The following CHL1 variants were observed in gnomAD, a reference collection of about 807,000 sequenced individuals.
CHL1 encodes the protein neural cell adhesion molecule L1-like protein.
Under a neutral mutation model 141.9 loss-of-function variants are expected in CHL1, and 96 were observed. The observed-to-expected ratio is 0.68, with a 90% confidence interval of 0.57 to 0.80. The LOEUF is 0.80. Ranked by LOEUF, CHL1 falls within the 30% of genes least tolerant of loss-of-function variation. The pLI is 0.00. For missense variants in CHL1, 1,820 were observed against 1,457.2 expected (o/e 1.25, Z -4.05); for synonymous variants, 613 against 502.2 (o/e 1.22, Z -2.95).
intron 1 of CHL1, among the ~76,000 whole-genome samples, chr3:212,193 C>G (rs576148413): frequency 2.0e-5 from 3 of 151,904 alleles, no homozygotes; most frequent in Non-Finnish European, 2.9e-5. Flanking sequence ...GTTTCTACAA[C>G]GAGTTTGCAT....
rs5845954 is a variant in CHL1, at chr3:231,575, C to CTTT, written c.-174-13020_-174-13018dup. Among the ~76,000 whole-genome samples the CTTT allele has an allele frequency of 7.7e-4, 77 of 100,556 alleles. 2 individuals are homozygous for CTTT. The highest frequency in any genetic ancestry group is 1.5e-3 in the Admixed American group (12 of 7,956). 66.0% of individuals were successfully genotyped at this position (100,556 alleles called of 152,430 possible). On this transcript the variant is annotated intron_variant, in intron 1 of 27. Transcript: ENST00000256509. Reference sequence around the variant, plus strand: ...ACATGTTTTAAAACCTTATTTCTTCCTTTTTTTTTTTTTTTTTTTTGAGAT... The same window carrying CTTT: ...ACATGTTTTAAAACCTTATTTCTTCCTTTTTTTTTTTTTTTTTTTTTTTGAGAT...
At chr3:281,703 G>A (rs1696671502) in intron 2 of CHL1, among the ~76,000 whole-genome samples, 1 of 151,908 alleles carries the variant, frequency 6.6e-6, no homozygotes, top group Admixed American at 6.6e-5. Flanking sequence ...GGGATTACAG[G>A]CACATGCCAC....
chr3:306,447 C>A (rs1042355369), intron 2 of CHL1, among the ~76,000 whole-genome samples: 4 of 151,968 alleles, frequency 2.6e-5, no homozygotes, highest in Non-Finnish European at 5.9e-5. Context: ...ATAAAAAATC[C>A]CATTTAAACA....
intron 1 of CHL1, among the ~76,000 whole-genome samples, chr3:204,063 G>A (rs1282721800): frequency 2.6e-5 from 4 of 152,186 alleles, no homozygotes; most frequent in East Asian, 1.9e-4. Flanking sequence ...TTCATTGCCC[G>A]AAGTGGGCAT....
intron 5 of CHL1, among the ~76,000 whole-genome samples, chr3:335,551 C>T (rs1162673011): frequency 6.6e-6 from 1 of 152,176 alleles, no homozygotes; most frequent in African/African-American, 2.4e-5. Context: ...GTGAGCAATT[C>T]GCCAAGCATA....
intron 5 of CHL1, among the ~76,000 whole-genome samples, chr3:340,036 C>A (rs1343720655): frequency 6.6e-6 from 1 of 152,090 alleles, no homozygotes; most frequent in African/African-American, 2.4e-5. Flanking sequence ...TTATAAATAT[C>A]AATACTTCCA....
At chr3:307,395 C>T (rs905378802) in intron 2 of CHL1, among the ~76,000 whole-genome samples, 4 of 152,152 alleles carry the variant, frequency 2.6e-5, no homozygotes, top group Admixed American at 6.5e-5. Flanking sequence ...GCTGTTAAAC[C>T]TTTGAGGCAT....
intron 27 of CHL1, among the ~76,000 whole-genome samples, chr3:403,816 A>G (rs1709329796): frequency 1.3e-5 from 2 of 152,202 alleles, no homozygotes; most frequent in South Asian, 4.1e-4. Flanking sequence ...ACATTATCCC[A>G]GGAGACACTT....
Position 391,802 on chromosome 3 carries a change from GT to G in CHL1, c.2914+6del. 1.2e-5 allele frequency: 19 copies of G among 1,576,700 alleles called. No individual in the cohort carries two copies. Among genetic ancestry groups the G allele is most frequent in the Non-Finnish European group, 1.6e-5 (19 of 1,162,200 alleles). ...ATCTTTTGCAATATCAGATAAGTAA[GT>G]AGAAATTTGAATTGGAGTTAACTTG... On this transcript the variant is annotated splice_donor_region_variant and intron_variant, in intron 23 of 27. Coordinates refer to ENST00000256509, the MANE Select transcript of CHL1 (RefSeq NM_006614.4).
In CHL1 at chr3:354,791, G is replaced by A; in HGVS notation, c.1165+20G>A. 1.2e-6 allele frequency: 2 copies of A among 1,612,294 alleles called. No homozygotes were observed. Among genetic ancestry groups the A allele is most frequent in the East Asian group, 2.2e-5 (1 of 44,842 alleles). On this transcript the variant is annotated intron_variant, in intron 11 of 27. Transcript: ENST00000256509. ...TTGACAGTAAGTTTAAAAACCAATT[G>A]CAATGCAATGCTGAAGGCCCTGGTT...
intron 13 of CHL1, 110 bp downstream of exon 13, chr3:361,920 C>A: frequency 1.3e-6 from 1 of 741,010 alleles, no homozygotes; most frequent in East Asian, 2.5e-5. Flanking sequence ...TTACATGTAC[C>A]CAGTACCTCT....
intron 15 of CHL1, among the ~76,000 whole-genome samples, chr3:369,586 TA>T (rs1187789284): frequency 4.6e-5 from 7 of 152,236 alleles, no homozygotes; most frequent in African/African-American, 9.6e-5. Context: ...GAATACCCTT[TA>T]TTTTTTTCTT....
Position 319,699 on chromosome 3 carries a change from G to C in CHL1, c.-78G>C. 1 of 825,488 alleles carries C rather than the reference G, an allele frequency of 1.2e-6. No homozygotes were observed. The highest frequency in any genetic ancestry group is 2.0e-6 in the Non-Finnish European group (1 of 494,778). 51.1% of individuals were successfully genotyped at this position (825,488 alleles called of 1,614,324 possible). A position where few individuals can be genotyped will look rare whatever the true frequency, so the allele number is the denominator to read the frequency against. Reference sequence around the variant, plus strand: ...TGTTTTTAGTTTCCAGGTTAACTAAGGTCTCAGCTGTAAACCAAAAGTGAG... The same window carrying C: ...TGTTTTTAGTTTCCAGGTTAACTAACGTCTCAGCTGTAAACCAAAAGTGAG... On this transcript the variant is annotated 5_prime_UTR_variant, in exon 3 of 28. Coordinates refer to ENST00000256509, the MANE Select transcript of CHL1 (RefSeq NM_006614.4).
chr3:303,998 A>C (rs553606917), intron 2 of CHL1, among the ~76,000 whole-genome samples: 4 of 152,028 alleles, frequency 2.6e-5, no homozygotes, highest in Non-Finnish European at 5.9e-5. Context: ...GGCTTTTGTC[A>C]TTGGTTCTGT....
At chr3:296,541 C>T (rs331889) in intron 2 of CHL1, among the ~76,000 whole-genome samples, 11,696 of 152,092 alleles carry the variant, frequency 0.077, 1,561 homozygotes, top group African/African-American at 0.27. Context: ...TTCATAGTTT[C>T]ATGACCACAG....
chr3:396,497 A>G (rs1183319362), intron 24 of CHL1, among the ~76,000 whole-genome samples: 1 of 152,156 alleles, frequency 6.6e-6, no homozygotes, highest in Admixed American at 6.5e-5. Flanking sequence ...ATTCTAGTAT[A>G]TATGTTGCGA....
At chr3:311,253 G>A (rs1699727696) in intron 2 of CHL1, among the ~76,000 whole-genome samples, 1 of 152,104 alleles carries the variant, frequency 6.6e-6, no homozygotes, top group African/African-American at 2.4e-5. Flanking sequence ...TCAATGGCTG[G>A]ATCACATGTG....
rs1559252953 is a variant in CHL1 at position 322,665 on chromosome 3, TA to T, written c.91+2799del. Among the ~76,000 whole-genome samples the T allele has an allele frequency of 7.0e-3, 918 of 131,502 alleles. 8 individuals carry two copies. Among genetic ancestry groups the T allele is most frequent in the African/African-American group, 0.025 (861 of 33,848 alleles). 86.3% of individuals were successfully genotyped at this position (131,502 alleles called of 152,430 possible). ...TATAAAATATATATATATATATATATATATAATTATATATATATATATAAAA... is the reference window on the plus strand; with the variant it reads ...TATAAAATATATATATATATATATATTATAATTATATATATATATATAAAA... On this transcript the variant is annotated intron_variant, in intron 3 of 27. Transcript: ENST00000256509.
chr3:385,058 T>A (rs1707513630), intron 19 of CHL1, among the ~76,000 whole-genome samples: 1 of 152,230 alleles, frequency 6.6e-6, no homozygotes, highest in South Asian at 2.1e-4. Context: ...TATTATTTCT[T>A]TCCTTGAATG....
Sources: allele counts gnomAD v4.1 joint callset (sites outside exome capture counted in the v4.1 genomes callset), GRCh38; gene constraint gnomAD v4.1.1; transcripts MANE v1.5; gene names NCBI Gene and HGNC (gene_info 2026-07-23, HGNC 2026-07-21).